The following PRKD1 variants were observed in gnomAD, a reference collection of about 807,000 sequenced individuals.
PRKD1 encodes serine/threonine-protein kinase D1.
In PRKD1, 63 loss-of-function variants were observed where a neutral mutation model predicts 95.9. The observed-to-expected ratio is 0.66, with a 90% CI of 0.54 to 0.81. PRKD1 has a LOEUF of 0.81. Among genes scored for constraint, PRKD1 ranks in the 30% least tolerant of loss-of-function variants. The pLI is 0.00. For synonymous variants in PRKD1, 425 were observed against 423.1 expected, an observed-to-expected ratio of 1.00 and a Z score of -0.05; for missense variants, 1,048 against 1,165.3, an observed-to-expected ratio of 0.90 and a Z score of 1.47.
chr14:29,839,060 G>A (rs550912628), intron 1 of PRKD1, among the ~76,000 whole-genome samples: 1 of 152,062 alleles, frequency 6.6e-6, no homozygotes, highest in East Asian at 1.9e-4. Context: ...TGAAGATAAA[G>A]CCCACAATGT....
At position 29,867,123 on chromosome 14, in the gene PRKD1, T is replaced by C. The variant is rs116835239; in HGVS notation, c.264+60126A>G. ...CCACTATACCTGCTCCTCAATTGGA[T>C]AGAAGCTTCAATCTCATAATTTTGG... On this transcript the variant is annotated intron_variant, in intron 1 of 17. Coordinates refer to ENST00000331968, the MANE Select transcript of PRKD1 (RefSeq NM_002742.3). Among the ~76,000 whole-genome samples, 1,005 of 152,314 alleles carry C rather than the reference T, an allele frequency of 6.6e-3. 10 individuals are homozygous for C. The highest frequency in any genetic ancestry group is 0.022 in the African/African-American group (926 of 41,562).
chr14:29,924,476 T>C (rs1566674590), intron 1 of PRKD1, among the ~76,000 whole-genome samples: 1 of 152,190 alleles, frequency 6.6e-6, no homozygotes, highest in Non-Finnish European at 1.5e-5. Flanking sequence ...AAATGTCCTG[T>C]GATGTTACTG....
At chr14:29,850,782 C>CA (rs1892277964) in intron 1 of PRKD1, among the ~76,000 whole-genome samples, 1 of 151,068 alleles carries the variant, frequency 6.6e-6, no homozygotes, top group East Asian at 2.0e-4. Context: ...CAATCCTAAG[C>CA]AAAAAGAACA....
At chr14:29,598,491 A>G (rs149218824) in intron 15 of PRKD1, among the ~76,000 whole-genome samples, 315 of 152,130 alleles carry the variant, frequency 2.1e-3, no homozygotes, top group African/African-American at 7.2e-3. Flanking sequence ...GAAGAAGATG[A>G]AGGATAAGTA....
At chr14:29,653,805 G>A (rs1387720778) in intron 4 of PRKD1, among the ~76,000 whole-genome samples, 1 of 152,042 alleles carries the variant, frequency 6.6e-6, no homozygotes, top group Non-Finnish European at 1.5e-5. Flanking sequence ...AAGACTATAA[G>A]CAACCAATAA....
chr14:29,839,578 G>A (rs150663650), intron 1 of PRKD1, among the ~76,000 whole-genome samples: 283 of 152,172 alleles, frequency 1.9e-3, no homozygotes, highest in Non-Finnish European at 3.4e-3. Context: ...CCCCAGTAGG[G>A]CTCTGTGTCT....
Position 29,849,577 on chromosome 14 carries a change from C to CA in PRKD1, c.264+77671dup, listed in dbSNP as rs368009160. On this transcript the variant is annotated intron_variant, in intron 1 of 17. Coordinates refer to ENST00000331968, the MANE Select transcript of PRKD1 (RefSeq NM_002742.3). ...AGTAAAACAACAACAACAACAACAACAAAAAAAAAACTACCAATCAGAAAA... is the reference window on the plus strand; with the variant it reads ...AGTAAAACAACAACAACAACAACAACAAAAAAAAAAACTACCAATCAGAAAA... Among the ~76,000 whole-genome samples the CA allele has an allele frequency of 2.1e-4, 29 of 139,672 alleles. 1 individual carries two copies. The highest frequency in any genetic ancestry group is 4.6e-4 in the East Asian group (2 of 4,386). 91.6% of individuals were successfully genotyped at this position (139,672 alleles called of 152,430 possible).
rs184245743 is a variant in PRKD1 at position 29,831,358 on chromosome 14, A to G, written c.264+95891T>C. Among the ~76,000 whole-genome samples the G allele has an allele frequency of 3.2e-3, 491 of 152,304 alleles. 1 individual carries two copies. The highest frequency in any genetic ancestry group is 0.011 in the African/African-American group (462 of 41,576). ...GCTTGTAAATGAGAAAACTGAGGCC[A>G]GAACAGTTTAAGGTCACAGTTAAGT... On this transcript the variant is annotated intron_variant, in intron 1 of 17. Coordinates refer to ENST00000331968, the MANE Select transcript of PRKD1 (RefSeq NM_002742.3).
chr14:29,695,064 C>G lies in PRKD1; in HGVS notation c.404-28856G>C, dbSNP rs142363072. Among the ~76,000 whole-genome samples the G allele has an allele frequency of 5.5e-4, 83 of 152,096 alleles. 1 individual carries two copies. The highest frequency in any genetic ancestry group is 1.9e-3 in the African/African-American group (79 of 41,474). On this transcript the variant is annotated intron_variant, in intron 2 of 17. Transcript: ENST00000331968. The stretch of plus-strand genomic sequence containing the variant: ...ACTGCCCAATATGGCAAAACCCCGT[C>G]TCTACTAAAAATACAAAAAATTAGC...
intron 1 of PRKD1, among the ~76,000 whole-genome samples, chr14:29,894,078 A>G (rs749312312): frequency 1.3e-5 from 2 of 152,202 alleles, no homozygotes; most frequent in Non-Finnish European, 2.9e-5. Flanking sequence ...AAATGGGAGT[A>G]TATAATTAGG....
At chr14:29,712,123 G>T (rs1885361700) in intron 2 of PRKD1, among the ~76,000 whole-genome samples, 1 of 152,072 alleles carries the variant, frequency 6.6e-6, no homozygotes, top group African/African-American at 2.4e-5. Context: ...GATCTTTATT[G>T]TTTCCTAACA....
chr14:29,703,476 T>C (rs757890766), intron 2 of PRKD1, among the ~76,000 whole-genome samples: 2 of 152,198 alleles, frequency 1.3e-5, no homozygotes, highest in Non-Finnish European at 2.9e-5. Flanking sequence ...TTAGATGTTA[T>C]GTGTTATGTC....
At chr14:29,626,367 A>G (rs1879622441) in intron 12 of PRKD1, 117 bp downstream of exon 12, 3 of 816,692 alleles carry the variant, frequency 3.7e-6, no homozygotes, top group Admixed American at 3.3e-5. Flanking sequence ...AAAGATACAC[A>G]CACAGAAATA....
At chr14:29,797,285 C>CA (rs1259640635) in intron 1 of PRKD1, among the ~76,000 whole-genome samples, 2 of 152,084 alleles carry the variant, frequency 1.3e-5, no homozygotes, top group African/African-American at 4.8e-5. Context: ...GCCTTGTAAA[C>CA]AAATTGTTTG....
intron 1 of PRKD1, among the ~76,000 whole-genome samples, chr14:29,836,531 A>C (rs45533534): frequency 0.014 from 2,108 of 152,280 alleles, 40 homozygotes; most frequent in South Asian, 0.093. Context: ...TGGGTGCTAG[A>C]ACAATGTTTT....
chr14:29,633,676 C>T (rs1243157115), intron 8 of PRKD1, among the ~76,000 whole-genome samples: 1 of 152,038 alleles, frequency 6.6e-6, no homozygotes, highest in Non-Finnish European at 1.5e-5. Flanking sequence ...CAATTTTAGG[C>T]CAGTCAAATA....
At chr14:29,628,985 C>A in intron 11 of PRKD1, 56 bp downstream of exon 11, 2 of 1,226,406 alleles carry the variant, frequency 1.6e-6, no homozygotes, top group Non-Finnish European at 2.2e-6. Context: ...TTTTATGATG[C>A]TTTTATTTTC....
At chr14:29,789,999 C>A (rs1471500696) in intron 1 of PRKD1, among the ~76,000 whole-genome samples, 1 of 146,912 alleles carries the variant, frequency 6.8e-6, no homozygotes, top group Non-Finnish European at 1.5e-5. Flanking sequence ...CATTACCAAG[C>A]AAGTTGTCTT....
intron 16 of PRKD1, among the ~76,000 whole-genome samples, chr14:29,579,055 C>A (rs1363361705): frequency 6.6e-6 from 1 of 151,844 alleles, no homozygotes; most frequent in Non-Finnish European, 1.5e-5. Flanking sequence ...GGGGTTAGAA[C>A]CACAATCCCT....
Sources: gnomAD v4.1 joint callset for allele counts (sites outside exome capture counted in the v4.1 genomes callset) on GRCh38, gnomAD v4.1.1 for gene constraint, MANE v1.5 for transcripts, NCBI Gene and HGNC (gene_info 2026-07-23, HGNC 2026-07-21) for gene names.